DCHS2: variants seen among roughly 807,000 people sequenced by gnomAD.
DCHS2 encodes the protein protocadherin-23.
Under a neutral mutation model 182.4 loss-of-function variants are expected in DCHS2, and 142 were observed. That is an observed-to-expected ratio of 0.78 (90% confidence interval 0.68 to 0.89). The LOEUF (loss-of-function observed/expected upper bound fraction) is 0.89, where lower values mean the gene tolerates loss of function less well. Ranked by LOEUF, DCHS2 falls within the 40% of genes least tolerant of loss-of-function variation. The probability of loss-of-function intolerance (pLI) is 0.00; values close to 1 mark genes in which losing one functional copy is unlikely to be tolerated. For synonymous variants in DCHS2, 1,740 were observed against 1,663.3 expected (o/e 1.05, Z -1.12); for missense variants, 4,319 against 4,198.6 (o/e 1.03, Z -0.79).
At chr4:154,328,891 A>T (rs1390682120) in intron 6 of DCHS2, among the ~76,000 whole-genome samples, 3 of 152,232 alleles carry the variant, frequency 2.0e-5, no homozygotes, top group African/African-American at 7.2e-5. Context: ...GTTCTGGAAC[A>T]GTAGCTTCTA....
intron 10 of DCHS2, among the ~76,000 whole-genome samples, chr4:154,314,163 C>T (rs1735765738): frequency 6.6e-6 from 1 of 152,054 alleles, no homozygotes; most frequent in Admixed American, 6.6e-5. Flanking sequence ...ATTTTACATA[C>T]CTTACTGTTT....
chr4:154,236,842 A>T lies in DCHS2; in HGVS notation c.7810T>A (p.Phe2604Ile). The T allele has an allele frequency of 6.2e-7, 1 of 1,614,070 alleles. No individual in the cohort carries two copies. Among genetic ancestry groups the T allele is most frequent in the Non-Finnish European group, 8.5e-7 (1 of 1,179,970 alleles). The change falls in exon 20 of 20, where the codon TTC becomes ATC. Residue 2604 changes from phenylalanine to isoleucine, a missense_variant. Physicochemically the swap from Phe to Ile is conservative, Grantham distance 21. Transcript: ENST00000357232. Reference sequence around the variant, plus strand: ...TTATAAGGATATTCTGAATGAAAGAACTTAGTTTCCACATGAAAATTGTTC... The same window carrying T: ...TTATAAGGATATTCTGAATGAAAGATCTTAGTTTCCACATGAAAATTGTTC... ...SQNNFHVETK[F>I]FHSEYPYKQV...
At chr4:154,409,068 G>A (rs1050741170) in intron 1 of DCHS2, among the ~76,000 whole-genome samples, 6 of 152,198 alleles carry the variant, frequency 3.9e-5, no homozygotes, top group African/African-American at 1.4e-4. Context: ...TCAGGACTAA[G>A]CTGACGTGGA....
chr4:154,341,179 T>C (rs372798145), intron 3 of DCHS2, among the ~76,000 whole-genome samples: 24 of 152,062 alleles, frequency 1.6e-4, no homozygotes, highest in African/African-American at 5.1e-4. Flanking sequence ...CCATCCTGGC[T>C]AACACAGTGA....
intron 12 of DCHS2, among the ~76,000 whole-genome samples, chr4:154,299,855 G>A (rs1735127926): frequency 6.6e-6 from 1 of 152,070 alleles, no homozygotes; most frequent in Non-Finnish European, 1.5e-5. Context: ...TCAATACTCG[G>A]GTATTAAAGT....
intron 1 of DCHS2, among the ~76,000 whole-genome samples, chr4:154,439,521 C>T (rs1299697574): frequency 6.6e-6 from 1 of 152,146 alleles, no homozygotes; most frequent in Middle Eastern, 3.2e-3. Flanking sequence ...TTTTCTCCTA[C>T]AGTCTGTCTT....
intron 1 of DCHS2, among the ~76,000 whole-genome samples, chr4:154,451,326 C>A (rs1051911324): frequency 3.9e-5 from 6 of 152,196 alleles, no homozygotes; most frequent in Non-Finnish European, 7.3e-5. Flanking sequence ...TGGCTTGCTA[C>A]TGGGCCTTAA....
At chr4:154,320,303 T>G in intron 9 of DCHS2, 76 bp downstream of exon 9, 1 of 1,528,116 alleles carries the variant, frequency 6.5e-7, no homozygotes, top group Non-Finnish European at 8.7e-7. Context: ...TAAAACTTTG[T>G]TAGGAGGGTG....
At chr4:154,420,495 C>G (rs1733068749) in intron 1 of DCHS2, among the ~76,000 whole-genome samples, 1 of 152,070 alleles carries the variant, frequency 6.6e-6, no homozygotes, top group South Asian at 2.1e-4. Context: ...AACTCTCAGT[C>G]CAAAGCCAAA....
intron 3 of DCHS2, among the ~76,000 whole-genome samples, chr4:154,361,966 T>C (rs1730145152): frequency 6.6e-6 from 1 of 152,054 alleles, no homozygotes; most frequent in Admixed American, 6.6e-5. Context: ...AATGAACCAG[T>C]GTGCAAATGA....
At chr4:154,356,125 G>A (rs1157170101) in intron 3 of DCHS2, among the ~76,000 whole-genome samples, 2 of 152,122 alleles carry the variant, frequency 1.3e-5, no homozygotes, top group African/African-American at 4.8e-5. Context: ...CGGACAAGAT[G>A]TGGAGGTGGA....
chr4:154,337,144 T>C (rs1454517974), intron 3 of DCHS2, among the ~76,000 whole-genome samples: 1 of 152,140 alleles, frequency 6.6e-6, no homozygotes, highest in Non-Finnish European at 1.5e-5. Flanking sequence ...GTGCAGTTTC[T>C]AAAAAATATT....
In DCHS2 at chr4:154,491,227, C is replaced by T; in HGVS notation, c.129G>A (p.Thr43=). Residue 43 remains threonine, a synonymous_variant, in exon 1 of 20, where the codon ACG becomes ACA. Coordinates refer to ENST00000357232, the MANE Select transcript of DCHS2 (RefSeq NM_001358235.2). ...HGRSGSSGAR[T]QRSLLWLLVH... is the part of the protein sequence containing the mutation. The stretch of plus-strand genomic sequence containing the variant: ...CCAAGAGCCAGAGCAGGGAGCGCTG[C>T]GTCCTGGCGCCGCTGCTGCCTGACC... 6.4e-7 allele frequency: 1 copy of T among 1,551,346 alleles called. No homozygotes were observed. The highest frequency in any genetic ancestry group is 8.7e-7 in the Non-Finnish European group (1 of 1,146,934).
At chr4:154,284,867 G>A (rs756694270) in intron 13 of DCHS2, among the ~76,000 whole-genome samples, 5 of 152,122 alleles carry the variant, frequency 3.3e-5, no homozygotes, top group Non-Finnish European at 5.9e-5. Flanking sequence ...ACTTCGGGGA[G>A]CACATGACCT....
intron 1 of DCHS2, among the ~76,000 whole-genome samples, chr4:154,431,133 G>A (rs1424569535): frequency 6.6e-6 from 1 of 152,094 alleles, no homozygotes. Context: ...GGATTGCATT[G>A]CATCTAAAGA....
chr4:154,286,440 A>C (rs1418672772), intron 13 of DCHS2, among the ~76,000 whole-genome samples: 1 of 152,026 alleles, frequency 6.6e-6, no homozygotes, highest in Admixed American at 6.6e-5. Flanking sequence ...TTTTGCAAAA[A>C]CTCAAAGAAT....
intron 14 of DCHS2, chr4:154,262,142 G>C (rs1263131443): frequency 6.6e-6 from 1 of 152,194 alleles, no homozygotes; most frequent in Non-Finnish European, 1.5e-5. Context: ...GCCAATTATA[G>C]TGCAGATCAA....
At chr4:154,406,742 C>T (rs1732418283) in intron 1 of DCHS2, among the ~76,000 whole-genome samples, 1 of 152,212 alleles carries the variant, frequency 6.6e-6, no homozygotes, top group Non-Finnish European at 1.5e-5. Context: ...TTCTGACTTG[C>T]AGCATAGATC....
intron 3 of DCHS2, among the ~76,000 whole-genome samples, chr4:154,360,157 T>C (rs917683190): frequency 6.6e-6 from 1 of 152,102 alleles, no homozygotes; most frequent in East Asian, 1.9e-4. Context: ...ATGTAATTAA[T>C]GTAAGACTCA....
Sources: allele counts gnomAD v4.1 joint callset (sites outside exome capture counted in the v4.1 genomes callset), GRCh38; gene constraint gnomAD v4.1.1; transcripts MANE v1.5; gene names NCBI Gene and HGNC (gene_info 2026-07-23, HGNC 2026-07-21).